Variants in XYLT1 observed in about 807,000 individuals in gnomAD.
XYLT1 encodes beta-D-xylosyltransferase 1.
XYLT1 carries 36 observed loss-of-function variants against 91.3 expected under a neutral mutation model. That is an observed-to-expected ratio of 0.39 (90% CI 0.30 to 0.52). XYLT1 has a LOEUF of 0.52. Ranked by LOEUF, XYLT1 falls within the 20% of genes least tolerant of loss-of-function variation. The probability of loss-of-function intolerance (pLI) is 0.68; values close to 1 mark genes in which losing one functional copy is unlikely to be tolerated. For synonymous variants in XYLT1, 588 were observed against 532.0 expected, an observed-to-expected ratio of 1.11 and a Z score of -1.45; for missense variants, 1,242 against 1,284.5, an observed-to-expected ratio of 0.97 and a Z score of 0.51.
intron 2 of XYLT1, among the ~76,000 whole-genome samples, chr16:17,265,903 G>C (rs987709659): frequency 2.0e-5 from 3 of 152,068 alleles, no homozygotes; most frequent in African/African-American, 7.2e-5. Flanking sequence ...AGAAGACCTG[G>C]GTACTAGTAT....
At chr16:17,216,131 G>C (rs2032854596) in intron 3 of XYLT1, among the ~76,000 whole-genome samples, 1 of 152,186 alleles carries the variant, frequency 6.6e-6, no homozygotes, top group Non-Finnish European at 1.5e-5. Context: ...CTGTGTGCAA[G>C]TTCTCCTACG....
chr16:17,343,046 C>A (rs2035085980), intron 2 of XYLT1, among the ~76,000 whole-genome samples: 1 of 152,114 alleles, frequency 6.6e-6, no homozygotes, highest in African/African-American at 2.4e-5. Context: ...GGTGGAACAC[C>A]CAACAAGAAA....
chr16:17,305,577 A>T (rs1202169423), intron 2 of XYLT1, among the ~76,000 whole-genome samples: 1 of 151,790 alleles, frequency 6.6e-6, no homozygotes, highest in Non-Finnish European at 1.5e-5. Context: ...CACCACGCCC[A>T]GCTAACTTTT....
At chr16:17,198,781 G>A (rs558054479) in intron 4 of XYLT1, among the ~76,000 whole-genome samples, 143 of 152,148 alleles carry the variant, frequency 9.4e-4, no homozygotes, top group African/African-American at 3.1e-3. Context: ...GTCTCGCTCC[G>A]TCACCCGGGC....
In XYLT1 at chr16:17,165,351, G is replaced by A. The variant is rs556130260; in HGVS notation, c.1290-6442C>T. Among the ~76,000 whole-genome samples, 29 of 152,256 alleles carry A rather than the reference G, an allele frequency of 1.9e-4. No homozygotes were observed. The East Asian group carries it at 4.3e-3, about 22-fold the overall frequency. On this transcript the variant is annotated intron_variant, in intron 5 of 11. Transcript: ENST00000261381. Reference sequence around the variant, plus strand: ...CTTCTCTCACTCATCAGCACGTACAGGCAGACTTCATCCTTTTAACGGTTG... The same window carrying A: ...CTTCTCTCACTCATCAGCACGTACAAGCAGACTTCATCCTTTTAACGGTTG...
intron 5 of XYLT1, among the ~76,000 whole-genome samples, chr16:17,173,892 T>G (rs1024499093): frequency 6.6e-6 from 1 of 152,246 alleles, no homozygotes; most frequent in African/African-American, 2.4e-5. Context: ...ATCATGGGTG[T>G]GGAAGACTCA....
intron 3 of XYLT1, among the ~76,000 whole-genome samples, chr16:17,247,813 T>TTTCCATGG (rs2141743482): frequency 6.6e-6 from 1 of 152,182 alleles, no homozygotes; most frequent in East Asian, 1.9e-4. Flanking sequence ...GGCTTGGATG[T>TTTCCATGG]CATGAGAAAC....
In XYLT1 at chr16:17,105,830, T is replaced by A. The variant is rs563349713; in HGVS notation, c.*2865A>T. The A allele has an allele frequency of 6.6e-6, 1 of 151,936 alleles. No homozygotes were observed. The highest frequency in any genetic ancestry group is 6.6e-5 in the Admixed American group (1 of 15,260). 9.4% of individuals were successfully genotyped at this position (151,936 alleles called of 1,614,324 possible). ...CAATGGCCTCCAACAAATAAATAAA[T>A]CATTCTCAGGCAGGTTAAAAAAATT... On this transcript the variant is annotated 3_prime_UTR_variant, in exon 12 of 12. Coordinates refer to ENST00000261381, the MANE Select transcript of XYLT1 (RefSeq NM_022166.4).
At chr16:17,150,109 AT>A (rs2031246399) in intron 6 of XYLT1, among the ~76,000 whole-genome samples, 1 of 152,224 alleles carries the variant, frequency 6.6e-6, no homozygotes, top group East Asian at 1.9e-4. Context: ...TGCAATAGCC[AT>A]GATTGTGGCA....
chr16:17,345,904 G>A (rs144644253), intron 2 of XYLT1, among the ~76,000 whole-genome samples: 158 of 152,258 alleles, frequency 1.0e-3, no homozygotes, highest in African/African-American at 3.7e-3. Context: ...TCCATTTCCT[G>A]GGTTCAAGTG....
chr16:17,106,728 G>C lies in XYLT1; in HGVS notation c.*1967C>G, dbSNP rs1279761642. On this transcript the variant is annotated 3_prime_UTR_variant, in exon 12 of 12. Transcript: ENST00000261381. ...CCTGTCACCTCCTTGTGCCTGTGAC[G>C]GGGGGTGAGTAGGGGGAGGATGGGA... 6.6e-6 allele frequency: 1 copy of C among 152,100 alleles called. No individual in the cohort carries two copies. The highest frequency in any genetic ancestry group is 6.6e-5 in the Admixed American group (1 of 15,264). The allele number at this position is 152,100 out of a possible 1,614,324, so 9.4% of individuals were successfully genotyped here.
chr16:17,173,433 A>G (rs542068315), intron 5 of XYLT1, among the ~76,000 whole-genome samples: 6 of 152,402 alleles, frequency 3.9e-5, no homozygotes, highest in Admixed American at 3.9e-4. Flanking sequence ...CCCTCTATGC[A>G]TTAAGAGCAT....
In XYLT1 at chr16:17,183,372, T is replaced by A. The variant is rs144964005; in HGVS notation, c.1289+14840A>T. Among the ~76,000 whole-genome samples the A allele has an allele frequency of 2.6e-3, 396 of 152,270 alleles. 2 individuals carry two copies. Among genetic ancestry groups the A allele is most frequent in the African/African-American group, 9.3e-3 (387 of 41,552 alleles). On this transcript the variant is annotated intron_variant, in intron 5 of 11. Transcript: ENST00000261381. ...CAGATACAGAAACCAAGGATTTAGA[T>A]GGGGAAGAAATGAGTGAGAGAGCTT...
intron 5 of XYLT1, among the ~76,000 whole-genome samples, chr16:17,188,056 T>A (rs1396771729): frequency 6.6e-6 from 1 of 152,086 alleles, no homozygotes; most frequent in South Asian, 2.1e-4. Context: ...GGTGGCTGCC[T>A]GGCTCTGAGT....
chr16:17,333,597 T>A (rs1195766888), intron 2 of XYLT1, among the ~76,000 whole-genome samples: 6 of 150,202 alleles, frequency 4.0e-5, no homozygotes, highest in Non-Finnish European at 8.9e-5. Flanking sequence ...ATTTATTTTT[T>A]TTTTTTTTGA....
At chr16:17,226,081 A>T (rs2100657) in intron 3 of XYLT1, among the ~76,000 whole-genome samples, 18,709 of 152,230 alleles carry the variant, frequency 0.12, 2,425 homozygotes, top group African/African-American at 0.33. Context: ...GACGGCTTAC[A>T]CTGAGAACTA....
chr16:17,310,034 G>T (rs761213538), intron 2 of XYLT1, among the ~76,000 whole-genome samples: 1 of 152,172 alleles, frequency 6.6e-6, no homozygotes, highest in South Asian at 2.1e-4. Flanking sequence ...GTAAAGATGG[G>T]ATCAGATTGA....
chr16:17,336,133 G>A (rs527433218), intron 2 of XYLT1, among the ~76,000 whole-genome samples: 37 of 152,328 alleles, frequency 2.4e-4, no homozygotes, highest in African/African-American at 8.9e-4. Context: ...GCAGAGCGTG[G>A]AAGGCAGAGA....
chr16:17,269,233 G>A (rs1264363974), intron 2 of XYLT1, among the ~76,000 whole-genome samples: 1 of 151,892 alleles, frequency 6.6e-6, no homozygotes, highest in Non-Finnish European at 1.5e-5. Flanking sequence ...TCCCCAGGCT[G>A]GAGTACAGTG....
Sources: allele counts gnomAD v4.1 joint callset (sites outside exome capture counted in the v4.1 genomes callset), GRCh38; gene constraint gnomAD v4.1.1; transcripts MANE v1.5; gene names NCBI Gene and HGNC (gene_info 2026-07-23, HGNC 2026-07-21).